ADAMTSL1: variants seen among roughly 807,000 people sequenced by gnomAD.
ADAMTSL1 encodes the protein ADAMTS like 1, also known as ADAMTS-like protein 1.
A neutral mutation model predicts 201.8 loss-of-function variants in ADAMTSL1; 126 were observed. The ratio of observed to expected loss-of-function variants is 0.62; its 90% confidence interval spans 0.54 to 0.72. ADAMTSL1 has a LOEUF of 0.72. Among genes scored for constraint, ADAMTSL1 ranks in the 30% least tolerant of loss-of-function variants. ADAMTSL1 has a pLI of 0.00. For missense variants in ADAMTSL1, 2,679 were observed against 2,277.8 expected (o/e 1.18, Z -3.59); for synonymous variants, 1,121 against 903.4 (o/e 1.24, Z -4.32).
At chr9:18,105,536 T>C (rs916335045) in intron 1 of ADAMTSL1, among the ~76,000 whole-genome samples, 1 of 152,146 alleles carries the variant, frequency 6.6e-6, no homozygotes, top group African/African-American at 2.4e-5. Flanking sequence ...ATTTCTGGAG[T>C]GTTTTGGCCT....
At chr9:18,774,331 A>G (rs1249995999) in intron 17 of ADAMTSL1, among the ~76,000 whole-genome samples, 1 of 151,896 alleles carries the variant, frequency 6.6e-6, no homozygotes, top group Non-Finnish European at 1.5e-5. Flanking sequence ...CTCCAAACTA[A>G]CCCTCAAGCT....
intron 25 of ADAMTSL1, chr9:18,890,721 A>AC (rs138297620): frequency 0.13 from 45,502 of 342,408 alleles, 2,719 homozygotes; most frequent in Middle Eastern, 0.17. Context: ...CCTTTCTCAA[A>AC]CCCCCCCCAC....
intron 19 of ADAMTSL1, among the ~76,000 whole-genome samples, chr9:18,778,246 T>C (rs958683827): frequency 2.0e-5 from 3 of 152,228 alleles, no homozygotes; most frequent in African/African-American, 7.2e-5. Flanking sequence ...CAAGGCATTA[T>C]TATGTTACTA....
chr9:18,058,753 A>G (rs1014003540), intron 1 of ADAMTSL1, among the ~76,000 whole-genome samples: 3 of 152,250 alleles, frequency 2.0e-5, no homozygotes, highest in East Asian at 3.9e-4. Flanking sequence ...CTGTACATCT[A>G]TTGTGTCTCT....
intron 15 of ADAMTSL1, among the ~76,000 whole-genome samples, chr9:18,750,832 A>T (rs571765838): frequency 4.6e-5 from 7 of 152,318 alleles, no homozygotes; most frequent in African/African-American, 1.4e-4. Flanking sequence ...TCTGCATTCA[A>T]GGTAGCTCGC....
chr9:18,100,354 C>T (rs1587049257), intron 1 of ADAMTSL1, among the ~76,000 whole-genome samples: 1 of 152,140 alleles, frequency 6.6e-6, no homozygotes, highest in South Asian at 2.1e-4. Context: ...GATCATGGCT[C>T]ATTGCAGCCT....
In ADAMTSL1 at chr9:18,753,491, C is replaced by A; in HGVS notation, c.2200C>A (p.Pro734Thr). Residue 734 changes from proline to threonine, a missense_variant, in exon 16 of 29, where the codon CCT becomes ACT. Physicochemically the swap from Pro to Thr is conservative, Grantham distance 38 (BLOSUM62 -1). Transcript: ENST00000380548. ...NRFNCPPAWY[P>T]AQWQPCSRTC... ...CTTTAATTGCCCCCCAGCCTGGTAC[C>A]CTGCACAGTGGCAGCCGGTGAGTTC... The A allele has an allele frequency of 6.2e-7, 1 of 1,612,406 alleles. No homozygotes were observed. Among genetic ancestry groups the A allele is most frequent in the Non-Finnish European group, 8.5e-7 (1 of 1,179,642 alleles).
intron 2 of ADAMTSL1, among the ~76,000 whole-genome samples, chr9:18,236,319 C>T (rs930722220): frequency 1.3e-5 from 2 of 152,178 alleles, no homozygotes; most frequent in African/African-American, 4.8e-5. Flanking sequence ...CGTGAACCAC[C>T]CACCTCAGCC....
intron 3 of ADAMTSL1, among the ~76,000 whole-genome samples, chr9:18,565,723 C>T (rs1821848988): frequency 6.6e-6 from 1 of 152,310 alleles, no homozygotes; most frequent in South Asian, 2.1e-4. Context: ...ATATTATGCT[C>T]TTAAAATGTA....
chr9:18,683,025 C>T (rs1216058209), intron 12 of ADAMTSL1, among the ~76,000 whole-genome samples: 1 of 152,170 alleles, frequency 6.6e-6, no homozygotes, highest in Non-Finnish European at 1.5e-5. Context: ...CTTCTACATA[C>T]AGTAAGTTAC....
chr9:18,157,005 G>A (rs890270196), intron 1 of ADAMTSL1, among the ~76,000 whole-genome samples: 5 of 151,996 alleles, frequency 3.3e-5, no homozygotes, highest in African/African-American at 1.2e-4. Flanking sequence ...TATATGTCAA[G>A]GAAGATGTCT....
Position 18,554,173 on chromosome 9 carries a change from T to A in ADAMTSL1, c.238-19857T>A, listed in dbSNP as rs1471092804. The stretch of plus-strand genomic sequence containing the variant: ...CATGTATATGAGTTCTGTTTTTTTT[T>A]TAAATCTACATGATGACACCTGTTC... On this transcript the variant is annotated intron_variant, in intron 3 of 28. Transcript: ENST00000380548. 5.3e-5 allele frequency among the ~76,000 whole-genome samples: 8 copies of A among 151,728 alleles called. No individual in the cohort carries two copies. The South Asian group carries it at 6.2e-4, about 12-fold the overall frequency.
chr9:18,311,349 TA>T (rs60100300), intron 2 of ADAMTSL1, among the ~76,000 whole-genome samples: 18,566 of 145,824 alleles, frequency 0.13, 1,310 homozygotes, highest in African/African-American at 0.19. Context: ...TAGGGTATAA[TA>T]AAAAAAAAAA....
At chr9:17,940,427 A>C (rs1053654528) in intron 1 of ADAMTSL1, among the ~76,000 whole-genome samples, 6 of 152,058 alleles carry the variant, frequency 3.9e-5, no homozygotes, top group Non-Finnish European at 8.8e-5. Context: ...CCAAGTAGGG[A>C]GAAGCAGCTG....
chr9:18,834,562 T>C (rs1825194644), intron 23 of ADAMTSL1, among the ~76,000 whole-genome samples: 1 of 152,166 alleles, frequency 6.6e-6, no homozygotes, highest in African/African-American at 2.4e-5. Context: ...CCACAATCAA[T>C]ATAATGAACA....
At chr9:18,354,818 A>C (rs1197585276) in intron 2 of ADAMTSL1, among the ~76,000 whole-genome samples, 1 of 152,110 alleles carries the variant, frequency 6.6e-6, no homozygotes, top group Non-Finnish European at 1.5e-5. Context: ...GAAAAATAGA[A>C]AAATTAGCTG....
chr9:18,084,432 G>A (rs558897656), intron 1 of ADAMTSL1, among the ~76,000 whole-genome samples: 138 of 151,908 alleles, frequency 9.1e-4, no homozygotes, highest in Non-Finnish European at 1.8e-3. Flanking sequence ...TGAGACAGGA[G>A]AATTTCTTGA....
At chr9:18,338,972 C>CATAGGATTCCATATGTAGGA (rs1835358339) in intron 2 of ADAMTSL1, among the ~76,000 whole-genome samples, 1 of 152,128 alleles carries the variant, frequency 6.6e-6, no homozygotes, top group African/African-American at 2.4e-5. Flanking sequence ...TTTATGGCTA[C>CATAGGATTCCATATGTAGGA]ATAGGATTCC....
intron 1 of ADAMTSL1, among the ~76,000 whole-genome samples, chr9:17,979,967 A>G (rs929277713): frequency 5.9e-5 from 9 of 151,938 alleles, no homozygotes; most frequent in Non-Finnish European, 1.3e-4. Flanking sequence ...GAAGCTTGGA[A>G]CCGTGGAAAC....
Sources: allele counts gnomAD v4.1 joint callset (sites outside exome capture counted in the v4.1 genomes callset), GRCh38; gene constraint gnomAD v4.1.1; transcripts MANE v1.5; gene names NCBI Gene and HGNC (gene_info 2026-07-23, HGNC 2026-07-21).